Variants in PICALM observed in about 807,000 individuals in gnomAD.
The protein encoded by PICALM is phosphatidylinositol-binding clathrin assembly protein.
Under a neutral mutation model 80.5 loss-of-function variants are expected in PICALM, and 40 were observed. The ratio of observed to expected loss-of-function variants is 0.50; its 90% confidence interval spans 0.39 to 0.65. The LOEUF is 0.65. PICALM is among the 30% of genes least tolerant of loss of function. The probability of loss-of-function intolerance (pLI) is 0.00; values close to 1 mark genes in which losing one functional copy is unlikely to be tolerated. For missense variants in PICALM, 676 were observed against 778.9 expected, an observed-to-expected ratio of 0.87 and a Z score of 1.57; for synonymous variants, 288 against 260.3, an observed-to-expected ratio of 1.11 and a Z score of -1.02.
At chr11:86,043,752 T>C (rs909932604) in intron 1 of PICALM, among the ~76,000 whole-genome samples, 3 of 152,228 alleles carry the variant, frequency 2.0e-5, no homozygotes, top group Non-Finnish European at 2.9e-5. Flanking sequence ...AAGCCTTCCC[T>C]GTAGGTAGGT....
intron 12 of PICALM, among the ~76,000 whole-genome samples, chr11:85,991,095 T>C (rs1012252647): frequency 1.3e-5 from 2 of 152,176 alleles, no homozygotes; most frequent in Non-Finnish European, 2.9e-5. Context: ...TTATATCAAA[T>C]CCTTTATCTA....
At chr11:86,033,258 G>A (rs2095789819) in intron 1 of PICALM, among the ~76,000 whole-genome samples, 1 of 130,430 alleles carries the variant, frequency 7.7e-6, no homozygotes, top group South Asian at 2.7e-4. Flanking sequence ...ACTATATAGT[G>A]CATGGTGCAT....
Position 86,034,711 on chromosome 11 carries a change from G to A in PICALM, c.131-3100C>T, listed in dbSNP as rs2095812116. Among the ~76,000 whole-genome samples, 4 of 151,934 alleles carry A rather than the reference G, an allele frequency of 2.6e-5. No homozygotes were observed. In the South Asian group the frequency reaches 8.3e-4, roughly 31 times the overall value. ...CGTAGGTTCTCTGCTTTAGGTATGA[G>A]TGAGAATTTACAAAGATTTCCAATA... On this transcript the variant is annotated intron_variant, in intron 1 of 19. Coordinates refer to ENST00000393346, the MANE Select transcript of PICALM (RefSeq NM_007166.4).
At chr11:85,991,431 G>T (rs189218265) in intron 12 of PICALM, among the ~76,000 whole-genome samples, 1 of 151,920 alleles carries the variant, frequency 6.6e-6, no homozygotes, top group Non-Finnish European at 1.5e-5. Context: ...ACATTAAGAA[G>T]GCAACAGTGG....
intron 18 of PICALM, 141 bp downstream of exon 18, chr11:85,976,482 A>T (rs2094286923): frequency 1.8e-6 from 1 of 567,870 alleles, no homozygotes; most frequent in African/African-American, 1.9e-5. Flanking sequence ...TTATGAAACC[A>T]ATGCTATGGT....
intron 19 of PICALM, among the ~76,000 whole-genome samples, chr11:85,961,437 T>C (rs1295263010): frequency 1.3e-5 from 2 of 152,212 alleles, no homozygotes; most frequent in African/African-American, 4.8e-5. Flanking sequence ...TGATTCTGCT[T>C]CCTGTTTGGA....
chr11:86,002,686 T>C (rs191005515), intron 9 of PICALM, among the ~76,000 whole-genome samples: 60 of 152,292 alleles, frequency 3.9e-4, no homozygotes, highest in African/African-American at 1.3e-3. Context: ...CACAGGGCTA[T>C]TGTGAGGATT....
chr11:86,038,308 G>C (rs1309937), intron 1 of PICALM, among the ~76,000 whole-genome samples: 9 of 151,960 alleles, frequency 5.9e-5, no homozygotes, highest in Non-Finnish European at 8.8e-5. Context: ...GCAACAGAGC[G>C]AGACTCCATC....
chr11:86,064,091 T>A (rs1410582899), intron 1 of PICALM, among the ~76,000 whole-genome samples: 1 of 152,256 alleles, frequency 6.6e-6, no homozygotes. Context: ...TCAGGTACAG[T>A]CTGGTATGTT....
chr11:86,036,044 T>G (rs577117267), intron 1 of PICALM, among the ~76,000 whole-genome samples: 1 of 152,248 alleles, frequency 6.6e-6, no homozygotes, highest in South Asian at 2.1e-4. Flanking sequence ...TTGCTTCACT[T>G]ATCAAATCTT....
At chr11:86,018,960 G>A (rs2095523897) in intron 4 of PICALM, among the ~76,000 whole-genome samples, 1 of 151,980 alleles carries the variant, frequency 6.6e-6, no homozygotes, top group African/African-American at 2.4e-5. Flanking sequence ...TACACAGGAG[G>A]GGAAGAAAAG....
intron 18 of PICALM, 115 bp downstream of exon 18, chr11:85,976,508 A>ACTAGGGCTAGGG: frequency 1.5e-6 from 1 of 665,544 alleles, no homozygotes; most frequent in Non-Finnish European, 2.8e-6. Context: ...TGCATTAGGC[A>ACTAGGGCTAGGG]CTAGGGCTAG....
At chr11:85,971,570 T>TA (rs1023264740) in intron 19 of PICALM, among the ~76,000 whole-genome samples, 1 of 151,374 alleles carries the variant, frequency 6.6e-6, no homozygotes, top group African/African-American at 2.4e-5. Context: ...ACTCCATCTC[T>TA]AAAAAAAATA....
At chr11:85,959,632 T>TCA (rs1554995274) in intron 19 of PICALM, among the ~76,000 whole-genome samples, 1 of 7,804 alleles carries the variant, frequency 1.3e-4, no homozygotes. Flanking sequence ...AAACTCCATC[T>TCA]CAAAAAAAAA....
intron 1 of PICALM, among the ~76,000 whole-genome samples, chr11:86,054,798 G>A (rs1002900371): frequency 1.3e-5 from 2 of 151,800 alleles, no homozygotes; most frequent in Admixed American, 6.6e-5. Flanking sequence ...TTTTTGAGAC[G>A]GAGTTTCACT....
rs148022868 is a variant in PICALM at position 86,032,604 on chromosome 11, C to G, written c.131-993G>C. 8.9e-4 allele frequency among the ~76,000 whole-genome samples: 136 copies of G among 152,054 alleles called. 3 individuals are homozygous for G. The East Asian group carries it at 0.024, about 26-fold the overall frequency. Reference sequence around the variant, plus strand: ...TAGTACCACTGCACTCCAGCCTGGGCAACAGAGTGAGACTCTGCCTCAATA... The same window carrying G: ...TAGTACCACTGCACTCCAGCCTGGGGAACAGAGTGAGACTCTGCCTCAATA... On this transcript the variant is annotated intron_variant, in intron 1 of 19. Coordinates refer to ENST00000393346, the MANE Select transcript of PICALM (RefSeq NM_007166.4).
intron 17 of PICALM, among the ~76,000 whole-genome samples, chr11:85,980,767 C>A (rs645299): frequency 0.71 from 108,003 of 152,108 alleles, 38,821 homozygotes; most frequent in African/African-American, 0.84. Context: ...AAATTCAACT[C>A]ATCATTTAAG....
chr11:85,990,714 T>G (rs1310859789), intron 12 of PICALM, among the ~76,000 whole-genome samples: 1 of 152,182 alleles, frequency 6.6e-6, no homozygotes, highest in Non-Finnish European at 1.5e-5. Context: ...CAATCTTCCC[T>G]GTCCTAGGTG....
At position 86,013,046 on chromosome 11, in the gene PICALM, G is replaced by A. The variant is rs199795259; in HGVS notation, c.547-654C>T. Among the ~76,000 whole-genome samples, 25 of 152,218 alleles carry A rather than the reference G, an allele frequency of 1.6e-4. No homozygotes were observed. In the East Asian group the frequency reaches 3.9e-3, roughly 23 times the overall value. ...AAAGAACACGGTAGCTCATGCCTGT[G>A]GTCCCAGCACTTTGTGAGGCCGAGG... On this transcript the variant is annotated intron_variant, in intron 5 of 19. Coordinates refer to ENST00000393346, the MANE Select transcript of PICALM (RefSeq NM_007166.4).
Sources: gnomAD v4.1 joint callset for allele counts (sites outside exome capture counted in the v4.1 genomes callset) on GRCh38, gnomAD v4.1.1 for gene constraint, MANE v1.5 for transcripts, NCBI Gene and HGNC (gene_info 2026-07-23, HGNC 2026-07-21) for gene names.